SHC4: variants seen among roughly 807,000 people sequenced by gnomAD.
SHC4 encodes SHC-transforming protein 4.
SHC4 carries 41 observed loss-of-function variants against 69.4 expected under a neutral mutation model. That is an observed-to-expected ratio of 0.59 (90% CI 0.46 to 0.77). The LOEUF (loss-of-function observed/expected upper bound fraction) is 0.77, where lower values mean the gene tolerates loss of function less well. Ranked by LOEUF, SHC4 falls within the 30% of genes least tolerant of loss-of-function variation. The pLI is 0.00. For missense variants in SHC4, 777 were observed against 783.8 expected, an observed-to-expected ratio of 0.99 and a Z score of 0.10; for synonymous variants, 318 against 299.3, an observed-to-expected ratio of 1.06 and a Z score of -0.64.
chr15:48,837,921 A>G (rs545909143), intron 10 of SHC4, among the ~76,000 whole-genome samples: 2 of 152,322 alleles, frequency 1.3e-5, no homozygotes, highest in South Asian at 4.2e-4. Context: ...TGAGAAAGAA[A>G]GGATGAGACA....
chr15:48,924,311 C>A (rs907690678), intron 2 of SHC4, among the ~76,000 whole-genome samples: 1 of 152,186 alleles, frequency 6.6e-6, no homozygotes, highest in Non-Finnish European at 1.5e-5. Context: ...CTTTAATGAA[C>A]CATGCCTTGT....
intron 2 of SHC4, among the ~76,000 whole-genome samples, chr15:48,918,308 A>C (rs1900669971): frequency 2.6e-5 from 4 of 152,286 alleles, no homozygotes; most frequent in Admixed American, 2.6e-4. Context: ...TGTGGTGTCC[A>C]TAGGACATTC....
At position 48,884,325 on chromosome 15, in the gene SHC4, G is replaced by T. The variant is rs748118863; in HGVS notation, c.763C>A (p.Leu255Ile). The T allele has an allele frequency of 6.2e-7, 1 of 1,610,050 alleles. No homozygotes were observed. Among genetic ancestry groups the T allele is most frequent in the South Asian group, 1.1e-5 (1 of 90,384 alleles). Residue 255 changes from leucine (L) to isoleucine (I), a missense_variant, in exon 4 of 12, where the codon CTT becomes ATT. Transcript: ENST00000332408. Reference protein sequence around the residue: ...FLSTVLGKSNLQFSGMNIKLT... With the variant: ...FLSTVLGKSNIQFSGMNIKLT... The stretch of plus-strand genomic sequence containing the variant: ...TTTATATTCATTCCTGAAAACTGAA[G>T]ATTACTTTTGCCAAGGACTGTTGAT...
At chr15:48,924,206 C>T (rs992532517) in intron 2 of SHC4, among the ~76,000 whole-genome samples, 3 of 152,142 alleles carry the variant, frequency 2.0e-5, no homozygotes, top group Non-Finnish European at 4.4e-5. Flanking sequence ...CCACTCATAT[C>T]GACCCAGTCC....
intron 11 of SHC4, 56 bp downstream of exon 11, chr15:48,834,713 G>T: frequency 6.3e-7 from 1 of 1,593,678 alleles, no homozygotes; most frequent in South Asian, 1.1e-5. Flanking sequence ...AAATCATTCA[G>T]GGTATGCTTA....
At chr15:48,886,579 C>T (rs1021077996) in intron 3 of SHC4, among the ~76,000 whole-genome samples, 4 of 152,078 alleles carry the variant, frequency 2.6e-5, no homozygotes, top group African/African-American at 9.7e-5. Context: ...TAGACAACTC[C>T]GGAACCCCCT....
chr15:48,834,769 C>T lies in SHC4; in HGVS notation c.1737G>A (p.Lys579=), dbSNP rs763917588. ...ACCTCTAATGAGAAGTCAATGATAC[C>T]TTGCCTTCAGGATCCACCAGGAGAA... ...KHLLLVDPEG[K]VRTKDHVFDN... is the part of the protein sequence containing the mutation. Residue 579 remains lysine, a splice_region_variant and synonymous_variant, in exon 11 of 12, where the codon AAG becomes AAA. Transcript: ENST00000332408. 3.1e-6 allele frequency: 5 copies of T among 1,613,916 alleles called. No homozygotes were observed. The South Asian group carries it at 4.4e-5, about 14-fold the overall frequency.
Position 48,898,707 on chromosome 15 carries a change from A to G in SHC4, c.657-7896T>C, listed in dbSNP as rs556899002. On this transcript the variant is annotated intron_variant, in intron 2 of 11. Coordinates refer to ENST00000332408, the MANE Select transcript of SHC4 (RefSeq NM_203349.4). ...TCACATCTCCCCTATAACTCTCACT[A>G]GTTAACGGACATTAAGTGCTGGTTT... Among the ~76,000 whole-genome samples, 4 of 152,302 alleles carry G rather than the reference A, an allele frequency of 2.6e-5. 1 individual carries two copies. In the East Asian group the frequency reaches 7.7e-4, roughly 29 times the overall value.
chr15:48,949,370 CAA>C (rs751634978), intron 1 of SHC4, among the ~76,000 whole-genome samples: 8 of 64,036 alleles, frequency 1.2e-4, no homozygotes, highest in Admixed American at 1.8e-4. Flanking sequence ...GACTCCGTCT[CAA>C]AAAAAAAAAA....
Position 48,878,084 on chromosome 15 carries a change from A to T in SHC4, c.841-5942T>A, listed in dbSNP as rs1006783777. 7 of 1,479,254 alleles carry T rather than the reference A, an allele frequency of 4.7e-6. No individual in the cohort carries two copies. In the East Asian group the frequency reaches 1.4e-4, roughly 29 times the overall value. The allele number at this position is 1,479,254 out of a possible 1,614,324, so 91.6% of individuals were successfully genotyped here. On this transcript the variant is annotated intron_variant, in intron 4 of 11. Transcript: ENST00000332408. ...ACCACGCCTGCGCGCGGGGTTACGC[A>T]AGCGCGCAGCCTTTGCGCACGCGCA...
Position 48,903,328 on chromosome 15 carries a change from C to A in SHC4, c.657-12517G>T, listed in dbSNP as rs146126006. On this transcript the variant is annotated intron_variant, in intron 2 of 11. Coordinates refer to ENST00000332408, the MANE Select transcript of SHC4 (RefSeq NM_203349.4). ...CTCCTTTTACCAATGAAAAGACTAT[C>A]TCTGGATGAGATTAGTTTTTGATGA... Among the ~76,000 whole-genome samples the A allele has an allele frequency of 6.0e-3, 921 of 152,314 alleles. 7 individuals are homozygous for A. The highest frequency in any genetic ancestry group is 0.019 in the African/African-American group (775 of 41,560).
At chr15:48,927,593 C>A (rs751257112) in intron 1 of SHC4, among the ~76,000 whole-genome samples, 16 of 152,252 alleles carry the variant, frequency 1.1e-4, no homozygotes, top group Non-Finnish European at 1.8e-4. Flanking sequence ...TTACTATAAA[C>A]CCCTAGACCC....
At position 48,963,190 on chromosome 15, in the gene SHC4, A is replaced by C. The variant is rs990353354; in HGVS notation, c.-175T>G. 1.6e-6 allele frequency: 1 copy of C among 633,032 alleles called. No homozygotes were observed. The highest frequency in any genetic ancestry group is 2.9e-5 in the East Asian group (1 of 34,972). 39.2% of individuals were successfully genotyped at this position (633,032 alleles called of 1,614,324 possible). On this transcript the variant is annotated 5_prime_UTR_variant, in exon 1 of 12. It removes an upstream start codon present in the reference 5' UTR. Coordinates refer to ENST00000332408, the MANE Select transcript of SHC4 (RefSeq NM_203349.4). The stretch of plus-strand genomic sequence containing the variant: ...CCCGGCCCCTTAAGGGTGACAGCCC[A>C]TGGGGGAAACGCCTCCCCTGCTCTG...
intron 8 of SHC4, among the ~76,000 whole-genome samples, 176 bp downstream of exon 8, chr15:48,855,777 G>A (rs1899301133): frequency 6.6e-6 from 1 of 152,042 alleles, no homozygotes; most frequent in South Asian, 2.1e-4. Flanking sequence ...TACAATTGGG[G>A]GATTAGGAGT....
rs535405648 is a variant in SHC4, at chr15:48,824,875, G to C, written c.*1096C>G. ...TACACCATGCTTAATCACTCTGTTAGTTTACCAGTTGGTCTACATGTGGAA... is the reference window on the plus strand; with the variant it reads ...TACACCATGCTTAATCACTCTGTTACTTTACCAGTTGGTCTACATGTGGAA... On this transcript the variant is annotated 3_prime_UTR_variant, in exon 12 of 12. Coordinates refer to ENST00000332408, the MANE Select transcript of SHC4 (RefSeq NM_203349.4). 1 of 152,508 alleles carries C rather than the reference G, an allele frequency of 6.6e-6. No individual in the cohort carries two copies. The highest frequency in any genetic ancestry group is 1.9e-4 in the East Asian group (1 of 5,156). 9.4% of individuals were successfully genotyped at this position (152,508 alleles called of 1,614,324 possible). A position where few individuals can be genotyped will look rare whatever the true frequency, so the allele number is the denominator to read the frequency against.
Position 48,963,440 on chromosome 15 carries a change from G to T in SHC4, c.-425C>A, listed in dbSNP as rs1300384318. On this transcript the variant is annotated 5_prime_UTR_variant, in exon 1 of 12. Coordinates refer to ENST00000332408, the MANE Select transcript of SHC4 (RefSeq NM_203349.4). The stretch of plus-strand genomic sequence containing the variant: ...ACTCCCACCCTCACCCCAGCCTTCT[G>T]TTCTGCACACAGGAACTTTCGAACC... The T allele has an allele frequency of 5.4e-6, 1 of 183,570 alleles. No individual in the cohort carries two copies. The highest frequency in any genetic ancestry group is 1.5e-4 in the South Asian group (1 of 6,776). 11.4% of individuals were successfully genotyped at this position (183,570 alleles called of 1,614,324 possible).
At chr15:48,950,450 T>A (rs2141039202) in intron 1 of SHC4, among the ~76,000 whole-genome samples, 1 of 152,188 alleles carries the variant, frequency 6.6e-6, no homozygotes, top group South Asian at 2.1e-4. Flanking sequence ...TAGGCATATA[T>A]CATTTTCTAC....
At chr15:48,877,915 CTG>C (rs1899844756) in intron 4 of SHC4, 1 of 401,230 alleles carries the variant, frequency 2.5e-6, no homozygotes, top group East Asian at 3.9e-5. Flanking sequence ...AACACAGAAA[CTG>C]TTACGCTCTT....
intron 2 of SHC4, among the ~76,000 whole-genome samples, chr15:48,897,148 T>G (rs1900237916): frequency 6.6e-6 from 1 of 152,124 alleles, no homozygotes; most frequent in African/African-American, 2.4e-5. Flanking sequence ...GAGCAGAAAT[T>G]TTGGGGTTTC....
Sources: allele counts gnomAD v4.1 joint callset (sites outside exome capture counted in the v4.1 genomes callset), GRCh38; gene constraint gnomAD v4.1.1; transcripts MANE v1.5; gene names NCBI Gene and HGNC (gene_info 2026-07-23, HGNC 2026-07-21).